CLYBL: variants seen among roughly 807,000 people sequenced by gnomAD.
CLYBL encodes citramalyl-CoA lyase.
Under a neutral mutation model 38.9 loss-of-function variants are expected in CLYBL, and 31 were observed. The ratio of observed to expected loss-of-function variants is 0.80; its 90% CI spans 0.60 to 1.08. The LOEUF (loss-of-function observed/expected upper bound fraction) is 1.08. CLYBL is among the 50% of genes least tolerant of loss of function. The probability of loss-of-function intolerance (pLI) is 0.00; values close to 1 mark genes in which losing one functional copy is unlikely to be tolerated. For missense variants in CLYBL, 434 were observed against 411.6 expected (o/e 1.05, Z -0.47); for synonymous variants, 171 against 158.6 (o/e 1.08, Z -0.59).
At chr13:99,750,194 AC>A (rs902615537) in intron 1 of CLYBL, among the ~76,000 whole-genome samples, 254 of 150,732 alleles carry the variant, frequency 1.7e-3, no homozygotes, top group African/African-American at 5.8e-3. Flanking sequence ...TGCTCCTGCG[AC>A]CCCCTCAGCC....
chr13:99,632,117 G>A (rs370139627), intron 1 of CLYBL, among the ~76,000 whole-genome samples: 1 of 152,324 alleles, frequency 6.6e-6, no homozygotes, highest in South Asian at 2.1e-4. Flanking sequence ...GAAACTGGCA[G>A]AGCTGGCAGA....
intron 1 of CLYBL, among the ~76,000 whole-genome samples, chr13:99,740,982 C>T (rs1045777611): frequency 2.6e-5 from 4 of 152,104 alleles, no homozygotes; most frequent in East Asian, 1.9e-4. Context: ...AAGCACCTGT[C>T]GATGGGAATC....
rs1172376194 is a variant in CLYBL, at chr13:99,754,416, CAAAAAAA to C, written c.63-18391_63-18385del. ...TGGGCAACAGCGTGAGACCCTGTCT[CAAAAAAA>C]AAAAAAAAAAAAAAAAGAGGAGAGA... On this transcript the variant is annotated intron_variant, in intron 1 of 8. Transcript: ENST00000339105. Among the ~76,000 whole-genome samples the C allele has an allele frequency of 2.3e-3, 168 of 71,884 alleles. 2 individuals carry two copies. The highest frequency in any genetic ancestry group is 9.2e-3 in the African/African-American group (160 of 17,476). The allele number at this position is 71,884 out of a possible 152,430, so 47.2% of individuals were successfully genotyped here.
chr13:99,695,354 ATG>A (rs2047962764), intron 1 of CLYBL, among the ~76,000 whole-genome samples: 2 of 152,166 alleles, frequency 1.3e-5, no homozygotes, highest in Non-Finnish European at 2.9e-5. Flanking sequence ...TACAAGTTTT[ATG>A]TGACACAGGA....
At chr13:99,899,117 T>C, downstream of CLYBL, among the ~76,000 whole-genome samples, 1 of 152,204 alleles carries the variant, frequency 6.6e-6, no homozygotes, top group East Asian at 1.9e-4. Flanking sequence ...TAAAAACACC[T>C]AACTCCAAGA....
chr13:99,807,819 A>AT (rs1325843411), intron 2 of CLYBL, among the ~76,000 whole-genome samples: 1 of 152,206 alleles, frequency 6.6e-6, no homozygotes, highest in Non-Finnish European at 1.5e-5. Context: ...ATAATAAAAT[A>AT]TTTTTTAAAA....
chr13:99,712,131 A>G (rs550714091), intron 1 of CLYBL, among the ~76,000 whole-genome samples: 61 of 152,138 alleles, frequency 4.0e-4, no homozygotes, highest in Non-Finnish European at 5.3e-4. Flanking sequence ...TTTGCAGGGG[A>G]CAGAAACATT....
chr13:99,859,179 A>T, intron 3 of CLYBL, 130 bp downstream of exon 3: 1 of 632,904 alleles, frequency 1.6e-6, no homozygotes, highest in South Asian at 2.6e-5. Context: ...GAGAAAAAGC[A>T]GTAAGCTCAA....
chr13:99,828,423 C>T (rs2050740412), intron 2 of CLYBL, among the ~76,000 whole-genome samples: 1 of 152,214 alleles, frequency 6.6e-6, no homozygotes, highest in Admixed American at 6.5e-5. Context: ...GAAGGTTTCA[C>T]TAGCTTGGGC....
Position 99,776,495 on chromosome 13 carries a change from C to CA in CLYBL, c.249+3496dup, listed in dbSNP as rs1181592895. Among the ~76,000 whole-genome samples, 715 of 115,566 alleles carry CA rather than the reference C, an allele frequency of 6.2e-3. 2 individuals are homozygous for CA. Among genetic ancestry groups the CA allele is most frequent in the Non-Finnish European group, 9.8e-3 (545 of 55,444 alleles). The allele number at this position is 115,566 out of a possible 152,430, so 75.8% of individuals were successfully genotyped here. On this transcript the variant is annotated intron_variant, in intron 2 of 8. Transcript: ENST00000339105. ...TGGGTGACAGAGCAGGACTCTGTCT[C>CA]AAAAAAAAAAAGTTGTTTTTTTTTT...
At chr13:99,758,444 TC>T (rs1367390759) in intron 1 of CLYBL, among the ~76,000 whole-genome samples, 4 of 152,200 alleles carry the variant, frequency 2.6e-5, no homozygotes, top group Non-Finnish European at 5.9e-5. Context: ...ATATTGACTA[TC>T]TAGAGGCCCT....
chr13:99,764,604 A>C (rs1215987522), intron 1 of CLYBL, among the ~76,000 whole-genome samples: 4 of 151,246 alleles, frequency 2.6e-5, no homozygotes, highest in African/African-American at 7.3e-5. Flanking sequence ...TTCATTTCTA[A>C]AGTTATTTAT....
chr13:99,872,451 C>T (rs574762487), intron 7 of CLYBL, among the ~76,000 whole-genome samples: 10 of 152,278 alleles, frequency 6.6e-5, no homozygotes, highest in Non-Finnish European at 1.0e-4. Context: ...TCACCTAGAA[C>T]GAAGAGCCAC....
At chr13:99,735,934 C>T (rs1373719187) in intron 1 of CLYBL, among the ~76,000 whole-genome samples, 1 of 151,626 alleles carries the variant, frequency 6.6e-6, no homozygotes. Flanking sequence ...AAATATAGTC[C>T]TATATCTCTT....
chr13:99,619,814 C>T (rs933660869), intron 1 of CLYBL, among the ~76,000 whole-genome samples: 4 of 152,148 alleles, frequency 2.6e-5, no homozygotes, highest in African/African-American at 9.7e-5. Context: ...AATTATTGCC[C>T]TCAAGTAAGA....
At chr13:99,728,738 TTTTTGTTTTG>T (rs996684631) in intron 1 of CLYBL, among the ~76,000 whole-genome samples, 1 of 151,692 alleles carries the variant, frequency 6.6e-6, no homozygotes, top group Non-Finnish European at 1.5e-5. Flanking sequence ...ACTGTGTGCT[TTTTTGTTTTG>T]TTTTGTTTTG....
At position 99,824,021 on chromosome 13, in the gene CLYBL, A is replaced by G. The variant is rs149745016; in HGVS notation, c.250-34840A>G. ...TACATCCTCTAGTCACTTCCTTGGA[A>G]AAGATATGGGAAATAATTTTGTAAA... On this transcript the variant is annotated intron_variant, in intron 2 of 8. Transcript: ENST00000339105. Among the ~76,000 whole-genome samples the G allele has an allele frequency of 5.3e-5, 8 of 152,288 alleles. No individual in the cohort carries two copies. In the East Asian group the frequency reaches 1.5e-3, roughly 29 times the overall value.
At chr13:99,866,532 T>C in intron 6 of CLYBL, 125 bp downstream of exon 6, 2 of 763,164 alleles carry the variant, frequency 2.6e-6, no homozygotes, top group Non-Finnish European at 4.0e-6. Context: ...ATTTGAAATA[T>C]GAGCAAGTCA....
At chr13:99,816,551 G>A (rs1010498927) in intron 2 of CLYBL, among the ~76,000 whole-genome samples, 1 of 152,310 alleles carries the variant, frequency 6.6e-6, no homozygotes, top group South Asian at 2.1e-4. Flanking sequence ...TCAATGTGAT[G>A]GTATTTGGAA....
Sources: allele counts gnomAD v4.1 joint callset (sites outside exome capture counted in the v4.1 genomes callset), GRCh38; gene constraint gnomAD v4.1.1; transcripts MANE v1.5; gene names NCBI Gene and HGNC (gene_info 2026-07-23, HGNC 2026-07-21).